The following CACNG2 variants were observed in gnomAD, a reference collection of about 807,000 sequenced individuals.
CACNG2 encodes the protein voltage-dependent calcium channel gamma-2 subunit.
A neutral mutation model predicts 25.9 loss-of-function variants in CACNG2; 3 were observed. The ratio of observed to expected loss-of-function variants is 0.12; its 90% CI spans 0.05 to 0.30. CACNG2 has a LOEUF of 0.30. CACNG2 is among the 10% of genes least tolerant of loss of function. The pLI is 1.00. For missense variants in CACNG2, 341 were observed against 432.5 expected, an observed-to-expected ratio of 0.79 and a Z score of 1.88; for synonymous variants, 167 against 173.3, an observed-to-expected ratio of 0.96 and a Z score of 0.29.
intron 1 of CACNG2, among the ~76,000 whole-genome samples, chr22:36,656,743 G>A (rs77657963): frequency 0.02 from 3,065 of 152,226 alleles, 56 homozygotes; most frequent in Non-Finnish European, 0.031. Flanking sequence ...TGTTACTTTC[G>A]CCTTGAGACT....
intron 1 of CACNG2, among the ~76,000 whole-genome samples, chr22:36,625,311 T>A (rs1936168762): frequency 6.6e-6 from 1 of 152,208 alleles, no homozygotes; most frequent in African/African-American, 2.4e-5. Flanking sequence ...CTGGGCCTCA[T>A]TTCAATCGAG....
At chr22:36,630,810 G>C (rs1020989769) in intron 1 of CACNG2, among the ~76,000 whole-genome samples, 1 of 152,092 alleles carries the variant, frequency 6.6e-6, no homozygotes, top group East Asian at 1.9e-4. Context: ...GCGGGATGGA[G>C]AGATGTGGAC....
chr22:36,590,177 G>T (rs966102437), intron 1 of CACNG2, among the ~76,000 whole-genome samples: 2 of 152,164 alleles, frequency 1.3e-5, no homozygotes, highest in Admixed American at 1.3e-4. Flanking sequence ...TGCTCCTTGT[G>T]TGCAAGCCTG....
chr22:36,586,272 C>T (rs1241341687), intron 2 of CACNG2, among the ~76,000 whole-genome samples: 1 of 152,272 alleles, frequency 6.6e-6, no homozygotes, highest in East Asian at 1.9e-4. Flanking sequence ...CAGCTGGGCT[C>T]CTGCAGCCCC....
chr22:36,580,536 C>T (rs886711530), intron 2 of CACNG2, among the ~76,000 whole-genome samples: 3 of 152,130 alleles, frequency 2.0e-5, no homozygotes, highest in Non-Finnish European at 4.4e-5. Flanking sequence ...GTGATCCCCC[C>T]ATTGAGGCCT....
At chr22:36,670,416 T>C (rs983183795) in intron 1 of CACNG2, among the ~76,000 whole-genome samples, 1 of 152,078 alleles carries the variant, frequency 6.6e-6, no homozygotes, top group Non-Finnish European at 1.5e-5. Context: ...TTTGGAAGGG[T>C]CTATTTTAGA....
chr22:36,566,173 C>A (rs1002650027), intron 3 of CACNG2, among the ~76,000 whole-genome samples, 180 bp downstream of exon 3: 1 of 152,136 alleles, frequency 6.6e-6, no homozygotes. Flanking sequence ...GGTACAGGCT[C>A]GGGAGTTGCT....
rs1177551841 is a variant in CACNG2, at chr22:36,562,404, G to A, written c.*1947C>T. On this transcript the variant is annotated 3_prime_UTR_variant, in exon 4 of 4. Transcript: ENST00000300105. The stretch of plus-strand genomic sequence containing the variant: ...GAAAATTAAGGCCCAGAGAGGCCAT[G>A]CAGCAAGGAATTCCGGAATCCAGTC... The A allele has an allele frequency of 6.6e-6, 1 of 151,900 alleles. No individual in the cohort carries two copies. The highest frequency in any genetic ancestry group is 1.5e-5 in the Non-Finnish European group (1 of 68,026). 9.4% of individuals were successfully genotyped at this position (151,900 alleles called of 1,614,324 possible).
chr22:36,610,276 G>A (rs368413204), intron 1 of CACNG2, among the ~76,000 whole-genome samples: 1 of 150,224 alleles, frequency 6.7e-6, no homozygotes, highest in African/African-American at 2.4e-5. Flanking sequence ...CCCTTAGAGC[G>A]TGATTGGGCA....
At chr22:36,623,598 G>A (rs781200239) in intron 1 of CACNG2, among the ~76,000 whole-genome samples, 5 of 152,092 alleles carry the variant, frequency 3.3e-5, no homozygotes, top group African/African-American at 7.2e-5. Flanking sequence ...GTCTGCCCCC[G>A]GTGACTTCGT....
intron 1 of CACNG2, among the ~76,000 whole-genome samples, chr22:36,602,322 TC>T (rs1291591673): frequency 1.3e-5 from 2 of 152,122 alleles, no homozygotes; most frequent in East Asian, 3.8e-4. Flanking sequence ...CATTGCCCTT[TC>T]ATTTTGTTGT....
chr22:36,690,729 A>G (rs1243545617), intron 1 of CACNG2, among the ~76,000 whole-genome samples: 1 of 152,224 alleles, frequency 6.6e-6, no homozygotes, highest in Non-Finnish European at 1.5e-5. Flanking sequence ...GTGAGCTGAC[A>G]TGAACTCCAG....
chr22:36,694,339 G>C (rs1315706026), intron 1 of CACNG2, among the ~76,000 whole-genome samples: 1 of 152,214 alleles, frequency 6.6e-6, no homozygotes. Flanking sequence ...TTAGAACTGA[G>C]AGAATATGGA....
chr22:36,615,822 GT>G (rs1330194397), intron 1 of CACNG2, among the ~76,000 whole-genome samples: 1 of 152,070 alleles, frequency 6.6e-6, no homozygotes, highest in Non-Finnish European at 1.5e-5. Context: ...TCACAATAGT[GT>G]TAGTTAAAAA....
At chr22:36,578,842 A>AG (rs1442137994) in intron 2 of CACNG2, among the ~76,000 whole-genome samples, 1 of 151,068 alleles carries the variant, frequency 6.6e-6, no homozygotes, top group African/African-American at 2.4e-5. Context: ...CCTGTGCTGG[A>AG]GGGGGTGGAT....
At chr22:36,598,951 C>T (rs542028011) in intron 1 of CACNG2, among the ~76,000 whole-genome samples, 5 of 152,308 alleles carry the variant, frequency 3.3e-5, no homozygotes, top group Non-Finnish European at 5.9e-5. Context: ...GCACTCCAGC[C>T]TGGGTGACAG....
chr22:36,666,922 CTTCT>C (rs1227809527), intron 1 of CACNG2, among the ~76,000 whole-genome samples: 2 of 151,982 alleles, frequency 1.3e-5, no homozygotes, highest in Non-Finnish European at 2.9e-5. Flanking sequence ...AGGCCTTGCT[CTTCT>C]TTCTTTCTCT....
At chr22:36,687,969 T>C (rs1179868514) in intron 1 of CACNG2, among the ~76,000 whole-genome samples, 1 of 152,172 alleles carries the variant, frequency 6.6e-6, no homozygotes, top group Non-Finnish European at 1.5e-5. Context: ...ACTTCCAACA[T>C]CCAGAACCAT....
At chr22:36,688,274 T>C (rs1937225918) in intron 1 of CACNG2, among the ~76,000 whole-genome samples, 1 of 152,092 alleles carries the variant, frequency 6.6e-6, no homozygotes, top group Admixed American at 6.5e-5. Context: ...CTGGGTGCAG[T>C]GGCTCACGCC....
Sources: gnomAD v4.1 joint callset for allele counts (sites outside exome capture counted in the v4.1 genomes callset) on GRCh38, gnomAD v4.1.1 for gene constraint, MANE v1.5 for transcripts, NCBI Gene and HGNC (gene_info 2026-07-23, HGNC 2026-07-21) for gene names.